MCC: variants seen among roughly 807,000 people sequenced by gnomAD.
MCC encodes the protein colorectal mutant cancer protein.
In MCC, 90 loss-of-function variants were observed where a neutral mutation model predicts 116.2. That is an observed-to-expected ratio of 0.77 (90% CI 0.65 to 0.92). The LOEUF (loss-of-function observed/expected upper bound fraction) is 0.92, where lower values mean the gene tolerates loss of function less well. Ranked by LOEUF, MCC falls within the 40% of genes least tolerant of loss-of-function variation. The probability of loss-of-function intolerance (pLI) is 0.00; values close to 1 mark genes in which losing one functional copy is unlikely to be tolerated. For missense variants in MCC, 1,516 were observed against 1,312.2 expected, an observed-to-expected ratio of 1.16 and a Z score of -2.40; for synonymous variants, 578 against 510.5, an observed-to-expected ratio of 1.13 and a Z score of -1.78.
At chr5:113,381,145 C>T (rs929119698) in intron 2 of MCC, among the ~76,000 whole-genome samples, 2 of 152,148 alleles carry the variant, frequency 1.3e-5, no homozygotes, top group African/African-American at 4.8e-5. Flanking sequence ...GTGATTTGGA[C>T]ACGGTGATGG....
intron 16 of MCC, 150 bp from the exon 17 acceptor site, chr5:113,043,780 C>T (rs1003029629): frequency 1.6e-6 from 1 of 607,228 alleles, no homozygotes; most frequent in Non-Finnish European, 2.9e-6. Context: ...AGGGGAAAGC[C>T]TGGCAGCAAG....
intron 3 of MCC, among the ~76,000 whole-genome samples, chr5:113,338,922 C>G (rs1463746233): frequency 1.3e-5 from 2 of 152,152 alleles, no homozygotes; most frequent in African/African-American, 4.8e-5. Context: ...TTATCATACC[C>G]TAGCAGTGAC....
At chr5:113,136,557 A>C (rs1048315135) in intron 5 of MCC, among the ~76,000 whole-genome samples, 1 of 152,126 alleles carries the variant, frequency 6.6e-6, no homozygotes, top group African/African-American at 2.4e-5. Flanking sequence ...CTAGGAGTGC[A>C]AGCAAGGAAT....
intron 3 of MCC, among the ~76,000 whole-genome samples, chr5:113,181,506 C>A (rs929046205): frequency 6.6e-6 from 1 of 152,198 alleles, no homozygotes; most frequent in Non-Finnish European, 1.5e-5. Flanking sequence ...CCATCTATAA[C>A]TGTAGAATAC....
intron 3 of MCC, among the ~76,000 whole-genome samples, chr5:113,331,991 TA>T (rs2150375082): frequency 6.6e-6 from 1 of 151,794 alleles, no homozygotes; most frequent in South Asian, 2.1e-4. Flanking sequence ...GCATAATTTT[TA>T]ATGACAATAC....
At chr5:113,104,530 A>G (rs1581068569) in intron 6 of MCC, 175 bp from the exon 7 acceptor site, 2 of 466,698 alleles carry the variant, frequency 4.3e-6, no homozygotes, top group East Asian at 6.6e-5. Flanking sequence ...GCCAATGCAA[A>G]GCTCTTTTTA....
At chr5:113,174,711 A>ACTC (rs76505711) in intron 3 of MCC, among the ~76,000 whole-genome samples, 24,245 of 151,406 alleles carry the variant, frequency 0.16, 2,560 homozygotes, top group African/African-American at 0.3. Flanking sequence ...CTCAAGCAAT[A>ACTC]CTAACTCAAC....
intron 3 of MCC, among the ~76,000 whole-genome samples, chr5:113,232,670 C>G (rs1032340340): frequency 6.6e-6 from 1 of 152,070 alleles, no homozygotes; most frequent in Non-Finnish European, 1.5e-5. Context: ...TTTATTAAAG[C>G]AAGAAAGGAC....
At chr5:113,377,269 C>A (rs575311639) in intron 2 of MCC, among the ~76,000 whole-genome samples, 5 of 152,098 alleles carry the variant, frequency 3.3e-5, no homozygotes, top group African/African-American at 1.2e-4. Context: ...ACAGAAGGAA[C>A]AAAACTCAAG....
chr5:113,432,614 G>C (rs1770694321), intron 1 of MCC: 1 of 152,142 alleles, frequency 6.6e-6, no homozygotes, highest in Non-Finnish European at 1.5e-5. Context: ...TAACCAACTT[G>C]CCCAAGATCA....
intron 1 of MCC, among the ~76,000 whole-genome samples, chr5:113,450,747 A>G (rs1771368687): frequency 6.6e-6 from 1 of 152,216 alleles, no homozygotes; most frequent in African/African-American, 2.4e-5. Flanking sequence ...ACGTGCTGAG[A>G]AAGTGTCACT....
intron 3 of MCC, among the ~76,000 whole-genome samples, chr5:113,321,924 C>T (rs1347426970): frequency 2.0e-5 from 3 of 152,104 alleles, no homozygotes; most frequent in South Asian, 2.1e-4. Flanking sequence ...CTCCACCTCC[C>T]GGGTTCAAGC....
At chr5:113,065,351 G>A (rs1445397336) in intron 13 of MCC, among the ~76,000 whole-genome samples, 4 of 152,060 alleles carry the variant, frequency 2.6e-5, no homozygotes, top group South Asian at 2.1e-4. Context: ...ACCTAAAACT[G>A]CTCTAAAAAA....
Position 113,085,301 on chromosome 5 carries a change from GCT to G in MCC, c.1406_1407del (p.Glu469AlafsTer27). ...TGCACGCTCTGTAGTCGAGTTTGAA[GCT>G]CTCTGACCTGAAATCATAATGCTTT... The part of the protein sequence containing the change: ...ERDRLRRRVR[E>X]LQTRLQSVQA... On this transcript the variant is annotated frameshift_variant, in exon 9 of 19. Transcript: ENST00000408903. LOFTEE classifies it high-confidence loss of function. 1.2e-6 allele frequency: 2 copies of G among 1,612,246 alleles called. No individual in the cohort carries two copies. The highest frequency in any genetic ancestry group is 2.2e-5 in the South Asian group (2 of 90,916).
chr5:113,211,271 C>G lies in MCC; in HGVS notation c.628-59849G>C, dbSNP rs149026164. Among the ~76,000 whole-genome samples the G allele has an allele frequency of 4.7e-3, 716 of 152,214 alleles. 10 individuals are homozygous for G. Among genetic ancestry groups the G allele is most frequent in the African/African-American group, 0.016 (678 of 41,536 alleles). Reference sequence around the variant, plus strand: ...CTGTCTATAAACCAGGAAGCAGGGCCCTACCAGATGCTGAATTTGCTCTCG... The same window carrying G: ...CTGTCTATAAACCAGGAAGCAGGGCGCTACCAGATGCTGAATTTGCTCTCG... On this transcript the variant is annotated intron_variant, in intron 3 of 18. Coordinates refer to ENST00000408903, the MANE Select transcript of MCC (RefSeq NM_001085377.2).
chr5:113,171,819 T>C (rs373114218), intron 3 of MCC, among the ~76,000 whole-genome samples: 3 of 152,232 alleles, frequency 2.0e-5, no homozygotes, highest in African/African-American at 4.8e-5. Flanking sequence ...TTCAGTGATA[T>C]CTGCTTGTCA....
intron 14 of MCC, 141 bp downstream of exon 14, chr5:113,063,843 G>A (rs1753391269): frequency 2.5e-6 from 2 of 800,474 alleles, no homozygotes; most frequent in Admixed American, 3.2e-5. Flanking sequence ...CTTTTTGGAT[G>A]GAGCAGGCTG....
At chr5:113,050,839 C>T (rs944218772) in intron 15 of MCC, among the ~76,000 whole-genome samples, 2 of 152,242 alleles carry the variant, frequency 1.3e-5, no homozygotes, top group African/African-American at 4.8e-5. Flanking sequence ...TCCTCAGGCC[C>T]TCCACCCGGG....
chr5:113,058,590 C>A (rs978611051), intron 14 of MCC, among the ~76,000 whole-genome samples: 2 of 152,202 alleles, frequency 1.3e-5, no homozygotes, highest in Non-Finnish European at 2.9e-5. Flanking sequence ...TAGGTAGAGG[C>A]CACAATGCTC....
Sources: allele counts gnomAD v4.1 joint callset (sites outside exome capture counted in the v4.1 genomes callset), GRCh38; gene constraint gnomAD v4.1.1; transcripts MANE v1.5; gene names NCBI Gene and HGNC (gene_info 2026-07-23, HGNC 2026-07-21).